TTC14: variants seen among roughly 807,000 people sequenced by gnomAD.
TTC14 encodes the protein tetratricopeptide repeat domain 14.
Under a neutral mutation model 79.9 loss-of-function variants are expected in TTC14, and 63 were observed. The observed-to-expected ratio is 0.79, with a 90% confidence interval of 0.64 to 0.97. The LOEUF (loss-of-function observed/expected upper bound fraction) is 0.97. TTC14 is among the 50% of genes least tolerant of loss of function. TTC14 has a pLI of 0.00. For missense variants in TTC14, 895 were observed against 894.0 expected (o/e 1.00, Z -0.01); for synonymous variants, 335 against 309.6 (o/e 1.08, Z -0.86).
chr3:180,605,433 G>A (rs1043286926), intron 6 of TTC14: 2 of 217,768 alleles, frequency 9.2e-6, no homozygotes, highest in Non-Finnish European at 1.8e-5. Flanking sequence ...CCGCCACCAC[G>A]CCTGGCTAAT....
chr3:180,604,200 T>A, intron 3 of TTC14, 25 bp from the exon 4 acceptor site: 1 of 1,584,966 alleles, frequency 6.3e-7, no homozygotes, highest in Non-Finnish European at 8.7e-7. Flanking sequence ...AAATGTCTGG[T>A]GTTTTAAAAT....
At position 180,603,213 on chromosome 3, in the gene TTC14, G is replaced by C; in HGVS notation, c.376G>C (p.Gly126Arg). 1 of 1,614,086 alleles carries C rather than the reference G, an allele frequency of 6.2e-7. No homozygotes were observed. Among genetic ancestry groups the C allele is most frequent in the Non-Finnish European group, 8.5e-7 (1 of 1,180,018 alleles). The change falls in exon 3 of 12, where the codon GGT becomes CGT. Residue 126 changes from glycine to arginine, a missense_variant. Gly to Arg is a moderately radical substitution (Grantham distance 125). Coordinates refer to ENST00000296015, the MANE Select transcript of TTC14 (RefSeq NM_133462.4). Reference sequence around the variant, plus strand: ...GCTGTTTTTCCGAGATATTGAGCGTGGTGATATAGTGATTGGAAGAATTAG... The same window carrying C: ...GCTGTTTTTCCGAGATATTGAGCGTCGTGATATAGTGATTGGAAGAATTAG... ...RELFFRDIER[G>R]DIVIGRISSI...
rs747000468 is a variant in TTC14, at chr3:180,616,866, G to A, written c.1775-514G>A. On this transcript the variant is annotated intron_variant, in intron 12 of 12. Coordinates refer to the TTC14 transcript ENST00000382584. ...TTCTAATTTTGGCTTCTGCTCCTCC[G>A]TTTCTTTACTTAGTTGAAATGAATA... 3.6e-5 allele frequency: 58 copies of A among 1,605,346 alleles called. No homozygotes were observed. The highest frequency in any genetic ancestry group is 3.3e-4 in the Middle Eastern group (2 of 6,056).
chr3:180,608,935 G>C, intron 11 of TTC14, 125 bp downstream of exon 11: 1 of 1,237,798 alleles, frequency 8.1e-7, no homozygotes, highest in East Asian at 3.3e-5. Context: ...TGACTGTTAA[G>C]AATCTTTAGC....
chr3:180,609,267 C>CCA, intron 11 of TTC14: 2 of 931,466 alleles, frequency 2.1e-6, no homozygotes, highest in Non-Finnish European at 2.6e-6. Context: ...CACCCCCTAC[C>CCA]AAGAATTATT....
At chr3:180,615,942 T>TA (rs1394984462), downstream of TTC14, among the ~76,000 whole-genome samples, 1 of 152,220 alleles carries the variant, frequency 6.6e-6, no homozygotes, top group Middle Eastern at 3.2e-3. Context: ...TACATGTTTT[T>TA]AAAAAAATTC....
chr3:180,616,476 G>T, intron 12 of TTC14: 2 of 1,503,314 alleles, frequency 1.3e-6, no homozygotes, highest in South Asian at 1.4e-5. Context: ...TTATTTTCAT[G>T]AAGTTTTTAA....
chr3:180,604,762 G>C (rs1716581392), intron 5 of TTC14, 90 bp from the exon 6 acceptor site: 43 of 1,445,482 alleles, frequency 3.0e-5, no homozygotes, highest in Non-Finnish European at 3.9e-5. Context: ...AATGGAATTA[G>C]TATTTAAACC....
At chr3:180,616,965 C>A in intron 12 of TTC14, 1 of 1,337,610 alleles carries the variant, frequency 7.5e-7, no homozygotes, top group South Asian at 1.5e-5. Flanking sequence ...ATTTTCCATG[C>A]TCTGTAGAAA....
chr3:180,609,300 G>C, intron 11 of TTC14: 1 of 989,850 alleles, frequency 1.0e-6, no homozygotes, highest in Non-Finnish European at 1.2e-6. Flanking sequence ...CCAATAATCA[G>C]GTGAAGAAAC....
Position 180,610,960 on chromosome 3 carries a change from C to A in TTC14, c.*418C>A. ...TTTTCTTTTCTGTTAAATTAAAAAT[C>A]GTCAGCTTTTGAAAGATTATATGTT... On this transcript the variant is annotated 3_prime_UTR_variant, in exon 12 of 12. Transcript: ENST00000296015. 1.0e-6 allele frequency: 1 copy of A among 960,004 alleles called. No homozygotes were observed. The allele number at this position is 960,004 out of a possible 1,614,324, so 59.5% of individuals were successfully genotyped here.
At position 180,609,896 on chromosome 3, in the gene TTC14, A is replaced by G; in HGVS notation, c.1667A>G (p.Lys556Arg). ...CTTAACCATAAACAAGAAGTGGAGA[A>G]ACTACTGGGGAAGCAGGATAGGTTA... ...SFLNHKQEVE[K>R]LLGKQDRLQY... The change falls in exon 12 of 12, where the codon AAA becomes AGA. Residue 556 changes from lysine to arginine, a missense_variant. Coordinates refer to ENST00000296015, the MANE Select transcript of TTC14 (RefSeq NM_133462.4). 1 of 1,614,018 alleles carries G rather than the reference A, an allele frequency of 6.2e-7. No homozygotes were observed. Among genetic ancestry groups the G allele is most frequent in the South Asian group, 1.1e-5 (1 of 91,066 alleles).
Position 180,609,941 on chromosome 3 carries a change from TAAAAG to T in TTC14, c.1714_1718del (p.Lys572GlufsTer3), listed in dbSNP as rs748281929. 7.4e-6 allele frequency: 12 copies of T among 1,613,870 alleles called. No individual in the cohort carries two copies. Among genetic ancestry groups the T allele is most frequent in the East Asian group, 2.2e-5 (1 of 44,878 alleles). On this transcript the variant is annotated frameshift_variant, in exon 12 of 12. Coordinates refer to ENST00000296015, the MANE Select transcript of TTC14 (RefSeq NM_133462.4). LOFTEE classifies it high-confidence loss of function. ...AGGTTACAGTATGAAAAGACACAGA[TAAAAG>T]AGAAAGATAGATGCCCTCTCTCTTC... is the stretch of plus-strand genomic sequence containing the variant.
rs1174774378 is a variant in TTC14, at chr3:180,602,257, T to G, written c.-5T>G. On this transcript the variant is annotated 5_prime_UTR_variant, in exon 1 of 12. Transcript: ENST00000296015. ...GTCGGCCTCCGGGCCCTGCATTCTC[T>G]AGCCATGGACCGGGACCTTTTGCGG... 3.1e-6 allele frequency: 5 copies of G among 1,613,860 alleles called. No homozygotes were observed. The highest frequency in any genetic ancestry group is 4.2e-6 in the Non-Finnish European group (5 of 1,179,934).
At position 180,602,405 on chromosome 3, in the gene TTC14, G is replaced by T; in HGVS notation, c.144G>T (p.Gln48His). The change falls in exon 1 of 12, where the codon CAG becomes CAT. Residue 48 changes from glutamine to histidine, a missense_variant. Gln to His is a conservative substitution (Grantham distance 24, BLOSUM62 0). Coordinates refer to ENST00000296015, the MANE Select transcript of TTC14 (RefSeq NM_133462.4). ...AGCCAGCCCGGGGCCCGCCGCCCCAGCACCCGTTGCAGGGCAGGTAATGAG... is the reference window on the plus strand; with the variant it reads ...AGCCAGCCCGGGGCCCGCCGCCCCATCACCCGTTGCAGGGCAGGTAATGAG... Reference protein sequence around the residue: ...AAEPARGPPPQHPLQGRKEKR... With the variant: ...AAEPARGPPPHHPLQGRKEKR... The T allele has an allele frequency of 3.7e-6, 6 of 1,606,286 alleles. No homozygotes were observed. Among genetic ancestry groups the T allele is most frequent in the Non-Finnish European group, 2.5e-6 (3 of 1,178,946 alleles).
chr3:180,602,847 T>A, intron 1 of TTC14, 44 bp from the exon 2 acceptor site: 1 of 1,580,474 alleles, frequency 6.3e-7, no homozygotes, highest in East Asian at 2.3e-5. Flanking sequence ...GTAAAGAGGC[T>A]TTGCAGATAA....
chr3:180,614,583 T>C, downstream of TTC14: 1 of 203,862 alleles, frequency 4.9e-6, no homozygotes, highest in East Asian at 1.5e-4. Flanking sequence ...TAGAAATTTC[T>C]TCTTGAAAGA....
intron 6 of TTC14, chr3:180,605,509 C>T (rs1716628711): frequency 6.4e-6 from 2 of 311,298 alleles, no homozygotes; most frequent in Non-Finnish European, 1.2e-5. Flanking sequence ...TCTCAATCTC[C>T]TGACCTCGTG....
At chr3:180,602,501 G>T (rs1716418937) in intron 1 of TTC14, 79 bp downstream of exon 1, 1 of 1,480,288 alleles carries the variant, frequency 6.8e-7, no homozygotes, top group Non-Finnish European at 8.9e-7. Flanking sequence ...CCGGGTTTGC[G>T]TCTAGAGGAA....
Sources: gnomAD v4.1 joint callset for allele counts (sites outside exome capture counted in the v4.1 genomes callset) on GRCh38, gnomAD v4.1.1 for gene constraint, MANE v1.5 for transcripts, NCBI Gene and HGNC (gene_info 2026-07-23, HGNC 2026-07-21) for gene names.